Variants in CDH18 observed in about 807,000 individuals in gnomAD.
CDH18 encodes the protein cadherin 18.
In CDH18, 31 loss-of-function variants were observed where a neutral mutation model predicts 67.9. That is an observed-to-expected ratio of 0.46 (90% CI 0.34 to 0.62). CDH18 has a LOEUF of 0.62. Among genes scored for constraint, CDH18 ranks in the 20% least tolerant of loss-of-function variants. The probability of loss-of-function intolerance (pLI) is 0.01; values close to 1 mark genes in which losing one functional copy is unlikely to be tolerated. For missense variants in CDH18, 890 were observed against 975.5 expected (o/e 0.91, Z 1.17); for synonymous variants, 362 against 347.2 (o/e 1.04, Z -0.48).
intron 1 of CDH18, among the ~76,000 whole-genome samples, chr5:20,320,337 T>C (rs548866652): frequency 1.6e-4 from 25 of 152,232 alleles, no homozygotes; most frequent in African/African-American, 4.6e-4. Flanking sequence ...AGTAAGACCA[T>C]TTCAGCATTG....
At chr5:20,012,247 T>C (rs1444550878) in intron 2 of CDH18, among the ~76,000 whole-genome samples, 4 of 151,876 alleles carry the variant, frequency 2.6e-5, no homozygotes, top group Non-Finnish European at 5.9e-5. Context: ...ATATTCTCTG[T>C]TGGTTGTATT....
intron 2 of CDH18, among the ~76,000 whole-genome samples, chr5:20,235,524 AT>A (rs1180986549): frequency 1.3e-5 from 2 of 152,204 alleles, no homozygotes; most frequent in African/African-American, 4.8e-5. Flanking sequence ...ACATGAAAAA[AT>A]GTTCGTCATC....
intron 3 of CDH18, among the ~76,000 whole-genome samples, chr5:19,787,276 A>G (rs531907915): frequency 6.6e-6 from 1 of 151,980 alleles, no homozygotes; most frequent in African/African-American, 2.4e-5. Context: ...AACAAAGTGA[A>G]ACCCTGTCTC....
intron 1 of CDH18, among the ~76,000 whole-genome samples, chr5:20,309,138 C>T (rs540752197): frequency 6.6e-6 from 1 of 152,184 alleles, no homozygotes; most frequent in East Asian, 1.9e-4. Context: ...TTATGCTTAA[C>T]ATCATACTGA....
intron 9 of CDH18, among the ~76,000 whole-genome samples, chr5:19,533,105 G>T (rs1040808134): frequency 3.3e-5 from 5 of 152,148 alleles, no homozygotes; most frequent in African/African-American, 1.2e-4. Flanking sequence ...AACAACTCAA[G>T]ATACATTTAA....
chr5:20,140,304 ACTGGGAC>A (rs1750133489), intron 2 of CDH18, among the ~76,000 whole-genome samples: 1 of 152,012 alleles, frequency 6.6e-6, no homozygotes, highest in South Asian at 2.1e-4. Context: ...AACATCACAC[ACTGGGAC>A]CTGTCATGGG....
At chr5:19,700,732 G>A (rs1763131196) in intron 5 of CDH18, among the ~76,000 whole-genome samples, 1 of 152,070 alleles carries the variant, frequency 6.6e-6, no homozygotes, top group South Asian at 2.1e-4. Context: ...TCCCAGGCTT[G>A]TACATGTATT....
At chr5:20,419,552 T>C (rs1436527163) in intron 1 of CDH18, among the ~76,000 whole-genome samples, 1 of 136,888 alleles carries the variant, frequency 7.3e-6, no homozygotes, top group Admixed American at 8.0e-5. Flanking sequence ...CTCGGCTCAC[T>C]GCAAGCTCTG....
intron 10 of CDH18, among the ~76,000 whole-genome samples, chr5:19,518,036 T>C (rs960758124): frequency 6.6e-6 from 1 of 151,978 alleles, no homozygotes; most frequent in African/African-American, 2.4e-5. Flanking sequence ...TTCAAGAACA[T>C]TATGTTAGGA....
intron 2 of CDH18, among the ~76,000 whole-genome samples, chr5:20,244,500 A>T (rs1743223909): frequency 6.6e-6 from 1 of 152,096 alleles, no homozygotes; most frequent in Admixed American, 6.5e-5. Context: ...AGAAAAGAAC[A>T]ACCAAATATA....
chr5:19,473,593 T>A lies in CDH18; in HGVS notation c.2006A>T (p.Glu669Val). 6.2e-7 allele frequency: 1 copy of A among 1,613,854 alleles called. No individual in the cohort carries two copies. Residue 669 changes from glutamate to valine, a missense_variant, in exon 13 of 13, where the codon GAG becomes GTG. By Grantham distance (121) the Glu-to-Val change is moderately radical (BLOSUM62 -2). Around this residue, in one of 2 missense-constraint regions of CDH18, gnomAD observed 656 missense variants for 668.1 expected, o/e 0.98. Coordinates refer to ENST00000382275, the MANE Select transcript of CDH18 (RefSeq NM_004934.5). ...DDEGGGEEDT[E>V]AFDITALRNP... ...CCTCAAGGCTGTGATGTCAAAGGCC[T>A]CTGTGTCTTCCTCTCCGCCTCCTTC...
chr5:19,799,435 AACACACACAC>A (rs10545142), intron 3 of CDH18, among the ~76,000 whole-genome samples: 189 of 143,796 alleles, frequency 1.3e-3, no homozygotes, highest in African/African-American at 4.5e-3. Flanking sequence ...AAATATTCTC[AACACACACAC>A]ACACACACAC....
chr5:19,903,855 T>C (rs1290831520), intron 2 of CDH18, among the ~76,000 whole-genome samples: 1 of 152,068 alleles, frequency 6.6e-6, no homozygotes, highest in Non-Finnish European at 1.5e-5. Context: ...AGCGATTTCC[T>C]CATATGTTGC....
At chr5:20,381,782 C>T (rs765763492) in intron 1 of CDH18, among the ~76,000 whole-genome samples, 1 of 151,976 alleles carries the variant, frequency 6.6e-6, no homozygotes, top group Non-Finnish European at 1.5e-5. Flanking sequence ...TCCCGTTCAA[C>T]AAAAGTAGGA....
chr5:19,986,349 CCTT>C (rs145784407), intron 1 of CDH18, among the ~76,000 whole-genome samples: 1,843 of 152,292 alleles, frequency 0.012, 52 homozygotes, highest in African/African-American at 0.042. Flanking sequence ...CACTCACTGT[CCTT>C]CTACTATTAT....
chr5:19,944,504 C>T (rs887893706), intron 2 of CDH18, among the ~76,000 whole-genome samples: 6 of 152,132 alleles, frequency 3.9e-5, no homozygotes, highest in African/African-American at 1.2e-4. Context: ...TATAAATCTT[C>T]AACTCCCTTC....
At chr5:20,129,203 A>C (rs1749065909) in intron 2 of CDH18, among the ~76,000 whole-genome samples, 1 of 151,994 alleles carries the variant, frequency 6.6e-6, no homozygotes, top group Non-Finnish European at 1.5e-5. Flanking sequence ...CTATAGTTTC[A>C]AGAAAAATAA....
chr5:19,774,808 C>CAGAA (rs1774143157), intron 3 of CDH18, among the ~76,000 whole-genome samples: 1 of 35,414 alleles, frequency 2.8e-5, no homozygotes, highest in Non-Finnish European at 5.2e-5. Flanking sequence ...GACTCTGTCT[C>CAGAA]AAAAAAAAAA....
intron 1 of CDH18, among the ~76,000 whole-genome samples, chr5:20,321,477 T>C (rs2150007431): frequency 6.6e-6 from 1 of 152,104 alleles, no homozygotes; most frequent in South Asian, 2.1e-4. Flanking sequence ...AAGCAGAAAC[T>C]TAGGAAAAAA....
Sources: allele counts gnomAD v4.1 joint callset (sites outside exome capture counted in the v4.1 genomes callset), GRCh38; gene constraint gnomAD v4.1.1; regional missense constraint gnomAD v4.1.1; transcripts MANE v1.5; gene names NCBI Gene and HGNC (gene_info 2026-07-23, HGNC 2026-07-21).